The following KIF18A variants were observed in gnomAD, a reference collection of about 807,000 sequenced individuals.
KIF18A encodes kinesin family member 18A, also known as kinesin-like protein KIF18A.
Under a neutral mutation model 103.3 loss-of-function variants are expected in KIF18A, and 67 were observed. The ratio of observed to expected loss-of-function variants is 0.65; its 90% CI spans 0.53 to 0.79. KIF18A has a LOEUF of 0.79. Among genes scored for constraint, KIF18A ranks in the 30% least tolerant of loss-of-function variants. The pLI, the probability that KIF18A is intolerant of heterozygous loss-of-function variation, is 0.00. For synonymous variants in KIF18A, 367 were observed against 355.5 expected (o/e 1.03, Z -0.36); for missense variants, 1,032 against 1,062.5 (o/e 0.97, Z 0.40).
intron 1 of KIF18A, among the ~76,000 whole-genome samples, chr11:28,104,806 T>C (rs1400296659): frequency 6.6e-6 from 1 of 152,066 alleles, no homozygotes; most frequent in Non-Finnish European, 1.5e-5. Context: ...ACCAGTACAG[T>C]TTTAATAGAC....
At chr11:28,047,383 C>T (rs955885065) in intron 13 of KIF18A, among the ~76,000 whole-genome samples, 5 of 152,044 alleles carry the variant, frequency 3.3e-5, no homozygotes, top group African/African-American at 1.2e-4. Flanking sequence ...TATGACATTT[C>T]TATGTCATGG....
At chr11:28,107,036 GT>G (rs1851529789) in intron 1 of KIF18A, among the ~76,000 whole-genome samples, 1 of 152,078 alleles carries the variant, frequency 6.6e-6, no homozygotes, top group Admixed American at 6.6e-5. Flanking sequence ...AATCTTTTAA[GT>G]TTTTTTCTTT....
At chr11:28,074,075 T>A (rs1851058931) in intron 10 of KIF18A, among the ~76,000 whole-genome samples, 1 of 152,190 alleles carries the variant, frequency 6.6e-6, no homozygotes, top group Non-Finnish European at 1.5e-5. Flanking sequence ...GGTGGACACC[T>A]GTAGTCTCAG....
intron 10 of KIF18A, 37 bp downstream of exon 10, chr11:28,076,970 A>C (rs1186925238): frequency 1.4e-6 from 1 of 690,926 alleles, no homozygotes; most frequent in East Asian, 4.2e-5. Context: ...CCATGTTTTT[A>C]TACTTTCTAA....
At chr11:28,091,746 C>T (rs1390541291) in intron 3 of KIF18A, among the ~76,000 whole-genome samples, 3 of 152,200 alleles carry the variant, frequency 2.0e-5, no homozygotes, top group Non-Finnish European at 4.4e-5. Flanking sequence ...TTGGAGTCAT[C>T]CCCTCACTCA....
chr11:28,093,644 C>T (rs1353890080), intron 3 of KIF18A, among the ~76,000 whole-genome samples: 1 of 151,776 alleles, frequency 6.6e-6, no homozygotes, highest in Non-Finnish European at 1.5e-5. Context: ...TTTGAACATA[C>T]AAAAAATGAT....
chr11:28,100,561 A>AGGG (rs148793396), intron 1 of KIF18A, among the ~76,000 whole-genome samples: 10 of 135,482 alleles, frequency 7.4e-5, no homozygotes, highest in South Asian at 2.5e-4. Context: ...GTGTGAGTGA[A>AGGG]GGGGGGGGGT....
At chr11:28,054,590 T>A (rs1414796473) in intron 13 of KIF18A, among the ~76,000 whole-genome samples, 2 of 152,234 alleles carry the variant, frequency 1.3e-5, no homozygotes, top group Non-Finnish European at 2.9e-5. Context: ...TAAAGGTCCC[T>A]AAGGCACTTG....
intron 15 of KIF18A, 123 bp downstream of exon 15, chr11:28,035,264 T>A: frequency 2.3e-6 from 1 of 432,726 alleles, no homozygotes. Context: ...GAGAAATTTA[T>A]CCTAAGTATG....
chr11:28,097,414 GAGAA>G (rs1851388894), intron 2 of KIF18A: 2 of 527,632 alleles, frequency 3.8e-6, no homozygotes, highest in Non-Finnish European at 3.3e-6. Flanking sequence ...GGCCCTGGAA[GAGAA>G]AGGTTTACAA....
intron 10 of KIF18A, among the ~76,000 whole-genome samples, chr11:28,073,675 C>T (rs1851051848): frequency 6.6e-6 from 1 of 152,090 alleles, no homozygotes; most frequent in African/African-American, 2.4e-5. Context: ...AAATGTCTGG[C>T]AAATAGCGTT....
At chr11:28,106,538 T>C (rs1368846835) in intron 1 of KIF18A, among the ~76,000 whole-genome samples, 2 of 142,238 alleles carry the variant, frequency 1.4e-5, no homozygotes, top group Admixed American at 7.1e-5. Flanking sequence ...CTCTTAGTTT[T>C]CACAGTTGTC....
intron 1 of KIF18A, among the ~76,000 whole-genome samples, chr11:28,099,597 T>A (rs969967219): frequency 2.6e-5 from 4 of 152,102 alleles, no homozygotes; most frequent in African/African-American, 9.7e-5. Context: ...TTGTCATTTG[T>A]AAGTTAAAAT....
intron 13 of KIF18A, among the ~76,000 whole-genome samples, chr11:28,043,151 C>T (rs545498993): frequency 1.1e-4 from 17 of 151,820 alleles, no homozygotes; most frequent in South Asian, 6.2e-4. Flanking sequence ...AAAATTCAGT[C>T]CTGGCTCAGT....
Position 28,020,821 on chromosome 11 carries a change from T to C in KIF18A, c.*379A>G, listed in dbSNP as rs920408998. The C allele has an allele frequency of 6.5e-6, 1 of 152,864 alleles. No homozygotes were observed. Among genetic ancestry groups the C allele is most frequent in the African/African-American group, 2.4e-5 (1 of 41,444 alleles). The allele number at this position is 152,864 out of a possible 1,614,324, so 9.5% of individuals were successfully genotyped here. The stretch of plus-strand genomic sequence containing the variant: ...GAACCAAATACATCTTGGGCCATAA[T>C]TTTACCACTTCTAAATTCTTATTTT... On this transcript the variant is annotated 3_prime_UTR_variant, in exon 17 of 17. Coordinates refer to ENST00000263181, the MANE Select transcript of KIF18A (RefSeq NM_031217.4).
chr11:28,045,143 A>G (rs187912059), intron 13 of KIF18A, among the ~76,000 whole-genome samples: 34 of 152,166 alleles, frequency 2.2e-4, no homozygotes, highest in African/African-American at 8.2e-4. Context: ...TTTTGACAAT[A>G]AAACATAGGA....
chr11:28,021,808 A>G (rs1211089600), intron 16 of KIF18A, among the ~76,000 whole-genome samples: 2 of 152,028 alleles, frequency 1.3e-5, no homozygotes, highest in East Asian at 1.9e-4. Context: ...CTGGTTCTTC[A>G]TTAGCTTTCA....
chr11:28,044,051 A>G (rs1176920107), intron 13 of KIF18A, among the ~76,000 whole-genome samples: 1 of 151,868 alleles, frequency 6.6e-6, no homozygotes. Context: ...TTAAAACAGG[A>G]GAATTCTTGG....
chr11:28,103,568 G>A (rs149792940), intron 1 of KIF18A, among the ~76,000 whole-genome samples: 148 of 152,026 alleles, frequency 9.7e-4, no homozygotes, highest in African/African-American at 3.4e-3. Flanking sequence ...TTAGAAAAGG[G>A]TACAAGAGAA....
Sources: allele counts gnomAD v4.1 joint callset (sites outside exome capture counted in the v4.1 genomes callset), GRCh38; gene constraint gnomAD v4.1.1; transcripts MANE v1.5; gene names NCBI Gene and HGNC (gene_info 2026-07-23, HGNC 2026-07-21).